The following NCKAP1 variants were observed in gnomAD, a reference collection of about 807,000 sequenced individuals.
NCKAP1 encodes NCK associated protein 1.
NCKAP1 carries 21 observed loss-of-function variants against 151.2 expected under a neutral mutation model. The observed-to-expected ratio is 0.14, with a 90% CI of 0.10 to 0.20. NCKAP1 has a LOEUF of 0.20. Ranked by LOEUF, NCKAP1 falls within the 10% of genes least tolerant of loss-of-function variation. The probability of loss-of-function intolerance (pLI) is 1.00; values close to 1 mark genes in which losing one functional copy is unlikely to be tolerated. For synonymous variants in NCKAP1, 484 were observed against 451.8 expected (o/e 1.07, Z -0.90); for missense variants, 933 against 1,352.1 (o/e 0.69, Z 4.86).
chr2:182,955,352 C>T (rs1697303094), intron 20 of NCKAP1, among the ~76,000 whole-genome samples: 1 of 151,900 alleles, frequency 6.6e-6, no homozygotes, highest in Non-Finnish European at 1.5e-5. Context: ...TTATAAATTG[C>T]TTCAAGGCTT....
rs1553507195 is a variant in NCKAP1 at position 182,912,849 on chromosome 2, A to AAGGAAGGAAGG, written c.*12852_*12853insCCTTCCTTCCT. On this transcript the variant is annotated 3_prime_UTR_variant, in exon 31 of 31. Transcript: ENST00000361354. The stretch of plus-strand genomic sequence containing the variant: ...CAAAACCAAAGAAAGATAGAGGAAG[A>AAGGAAGGAAGG]AAGGAAGGAAGGAAGGAAGGAAGGA... 5 of 133,364 alleles carry AAGGAAGGAAGG rather than the reference A, an allele frequency of 3.7e-5. No individual in the cohort carries two copies. Among genetic ancestry groups the AAGGAAGGAAGG allele is most frequent in the East Asian group, 4.8e-4 (2 of 4,124 alleles). The allele number at this position is 133,364 out of a possible 1,614,324, so 8.3% of individuals were successfully genotyped here.
chr2:183,008,530 T>C (rs1698526071), intron 2 of NCKAP1, among the ~76,000 whole-genome samples: 1 of 89,572 alleles, frequency 1.1e-5, no homozygotes, highest in Admixed American at 1.3e-4. Context: ...ATAGTTATCA[T>C]ATTGGTCTTC....
At chr2:182,992,211 T>C (rs1466144199) in intron 8 of NCKAP1, among the ~76,000 whole-genome samples, 1 of 152,202 alleles carries the variant, frequency 6.6e-6, no homozygotes, top group East Asian at 1.9e-4. Context: ...AAAATCCTAG[T>C]CTGGGTAGTA....
chr2:183,017,974 G>A (rs867416153), intron 2 of NCKAP1, among the ~76,000 whole-genome samples: 2 of 152,160 alleles, frequency 1.3e-5, no homozygotes, highest in Non-Finnish European at 2.9e-5. Context: ...ACCTGGCCGG[G>A]TGCGGTGGCT....
rs1330839990 is a variant in NCKAP1 at position 182,964,814 on chromosome 2, T to C, written c.1629-6A>G. The C allele has an allele frequency of 6.3e-7, 1 of 1,583,518 alleles. No individual in the cohort carries two copies. Among genetic ancestry groups the C allele is most frequent in the Non-Finnish European group, 8.6e-7 (1 of 1,166,874 alleles). Reference sequence around the variant, plus strand: ...CAAAAGCACGACTATAAAAACTATATAAACAAAAATCAGAATCACAATTTT... The same window carrying C: ...CAAAAGCACGACTATAAAAACTATACAAACAAAAATCAGAATCACAATTTT... On this transcript the variant is annotated splice_region_variant and splice_polypyrimidine_tract_variant and intron_variant, in intron 16 of 30. Coordinates refer to ENST00000361354, the MANE Select transcript of NCKAP1 (RefSeq NM_013436.5).
rs776742966 is a variant in NCKAP1, at chr2:182,934,742, A to G, written c.2859+10T>C. ...AGACTGTAAACCCCAACTATAAATT[A>G]TATTATTACCTTCATATCAGTTTCC... On this transcript the variant is annotated intron_variant, in intron 26 of 30. Coordinates refer to ENST00000361354, the MANE Select transcript of NCKAP1 (RefSeq NM_013436.5). 43 of 1,307,282 alleles carry G rather than the reference A, an allele frequency of 3.3e-5. No homozygotes were observed. The highest frequency in any genetic ancestry group is 4.4e-5 in the Non-Finnish European group (41 of 922,554). 81.0% of individuals were successfully genotyped at this position (1,307,282 alleles called of 1,614,324 possible).
At chr2:182,965,237 ATAAAT>A (rs955203801) in intron 16 of NCKAP1, among the ~76,000 whole-genome samples, 1 of 149,952 alleles carries the variant, frequency 6.7e-6, no homozygotes, top group Non-Finnish European at 1.5e-5. Context: ...TTTTTAAAAA[ATAAAT>A]TAAAAAAAGA....
chr2:183,009,481 A>AGCAAGCAAGCAG (rs373776097), intron 2 of NCKAP1, among the ~76,000 whole-genome samples: 2,741 of 148,030 alleles, frequency 0.019, 147 homozygotes, highest in African/African-American at 0.068. Flanking sequence ...GAAGGAAGCA[A>AGCAAGCAAGCAG]GCAAGCAAGC....
chr2:182,972,224 C>CAAAAAAAAAAA (rs56834438), intron 15 of NCKAP1, among the ~76,000 whole-genome samples: 6 of 67,706 alleles, frequency 8.9e-5, no homozygotes, highest in Non-Finnish European at 1.1e-4. Flanking sequence ...AGCTTAATAG[C>CAAAAAAAAAAA]AAAAAAAAAA....
intron 20 of NCKAP1, 112 bp from the exon 21 acceptor site, chr2:182,953,443 A>G: frequency 1.5e-6 from 1 of 676,018 alleles, no homozygotes; most frequent in Non-Finnish European, 2.4e-6. Context: ...AATTAACTTT[A>G]AAAATAATTT....
chr2:183,025,532 C>T (rs1347346388), intron 1 of NCKAP1, among the ~76,000 whole-genome samples: 1 of 152,064 alleles, frequency 6.6e-6, no homozygotes, highest in African/African-American at 2.4e-5. Context: ...TCTCTTAATT[C>T]TCAAATATAA....
At chr2:183,023,726 G>A (rs541923070) in intron 2 of NCKAP1, 80 bp downstream of exon 2, 1 of 1,057,854 alleles carries the variant, frequency 9.5e-7, no homozygotes, top group East Asian at 2.4e-5. Context: ...GTAAATAAGA[G>A]CTACTATAAG....
intron 12 of NCKAP1, 34 bp downstream of exon 12, chr2:182,982,787 A>G (rs1309215943): frequency 7.1e-7 from 1 of 1,400,418 alleles, no homozygotes; most frequent in South Asian, 1.3e-5. Context: ...GCATCTATAT[A>G]CAGAAAATAT....
In NCKAP1 at chr2:182,915,069, C is replaced by T. The variant is rs1309414562; in HGVS notation, c.*10633G>A. 2 of 152,226 alleles carry T rather than the reference C, an allele frequency of 1.3e-5. No individual in the cohort carries two copies. Among genetic ancestry groups the T allele is most frequent in the East Asian group, 3.8e-4 (2 of 5,196 alleles). The allele number at this position is 152,226 out of a possible 1,614,324, so 9.4% of individuals were successfully genotyped here. A position where few individuals can be genotyped will look rare whatever the true frequency, so the allele number is the denominator to read the frequency against. ...AGCTGCTCTCAAGGTCACTTCCTCTCACACAGACAGGCAGTGAAACTCATG... is the reference window on the plus strand; with the variant it reads ...AGCTGCTCTCAAGGTCACTTCCTCTTACACAGACAGGCAGTGAAACTCATG... On this transcript the variant is annotated 3_prime_UTR_variant, in exon 31 of 31. Coordinates refer to ENST00000361354, the MANE Select transcript of NCKAP1 (RefSeq NM_013436.5).
Position 182,910,836 on chromosome 2 carries a change from G to T in NCKAP1, c.*14866C>A, listed in dbSNP as rs1385300530. On this transcript the variant is annotated 3_prime_UTR_variant, in exon 31 of 31. Coordinates refer to ENST00000361354, the MANE Select transcript of NCKAP1 (RefSeq NM_013436.5). ...CACTGGCTTATCAGCAACCTTCAGAGAAAGTTACTGAGAAGAAGGTGATTG... is the reference window on the plus strand; with the variant it reads ...CACTGGCTTATCAGCAACCTTCAGATAAAGTTACTGAGAAGAAGGTGATTG... The T allele has an allele frequency of 1.3e-5, 2 of 152,012 alleles. No homozygotes were observed. The highest frequency in any genetic ancestry group is 2.9e-5 in the Non-Finnish European group (2 of 68,016). 9.4% of individuals were successfully genotyped at this position (152,012 alleles called of 1,614,324 possible).
intron 4 of NCKAP1, 80 bp from the exon 5 acceptor site, chr2:183,002,349 T>C (rs532812213): frequency 5.2e-6 from 5 of 952,774 alleles, no homozygotes; most frequent in East Asian, 5.3e-5. Context: ...ATAGAAGCTA[T>C]TGAGAGCTAA....
At chr2:182,966,575 C>T (rs926290089) in intron 16 of NCKAP1, among the ~76,000 whole-genome samples, 1 of 152,166 alleles carries the variant, frequency 6.6e-6, no homozygotes, top group Non-Finnish European at 1.5e-5. Flanking sequence ...CGTGAGCCAC[C>T]GCGCCTGGCC....
In NCKAP1 at chr2:182,911,680, C is replaced by A. The variant is rs935788782; in HGVS notation, c.*14022G>T. The stretch of plus-strand genomic sequence containing the variant: ...TTTTTTTTCTCCCAAGCTGTTTGAG[C>A]TTTTATGTTAACACCTATACTACTA... On this transcript the variant is annotated 3_prime_UTR_variant, in exon 31 of 31. Coordinates refer to ENST00000361354, the MANE Select transcript of NCKAP1 (RefSeq NM_013436.5). 2 of 151,640 alleles carry A rather than the reference C, an allele frequency of 1.3e-5. No homozygotes were observed. The highest frequency in any genetic ancestry group is 6.6e-5 in the Admixed American group (1 of 15,194). 9.4% of individuals were successfully genotyped at this position (151,640 alleles called of 1,614,324 possible).
chr2:183,002,830 T>C, intron 4 of NCKAP1, 144 bp downstream of exon 4: 2 of 571,568 alleles, frequency 3.5e-6, no homozygotes, highest in East Asian at 5.8e-5. Flanking sequence ...CACTTTACTT[T>C]TTAAAAAAGC....
Sources: allele counts gnomAD v4.1 joint callset (sites outside exome capture counted in the v4.1 genomes callset), GRCh38; gene constraint gnomAD v4.1.1; transcripts MANE v1.5; gene names NCBI Gene and HGNC (gene_info 2026-07-23, HGNC 2026-07-21).